NLRP14: variants seen among roughly 807,000 people sequenced by gnomAD.
The protein encoded by NLRP14 is NLR family pyrin domain containing 14.
A neutral mutation model predicts 94.7 loss-of-function variants in NLRP14; 105 were observed. The observed-to-expected ratio is 1.11, with a 90% CI of 0.95 to 1.30. The LOEUF is 1.30. Ranked by LOEUF, NLRP14 falls within the 50% of genes most tolerant of loss-of-function variation. The pLI, the probability that NLRP14 is intolerant of heterozygous loss-of-function variation, is 0.00. For missense variants in NLRP14, 1,362 were observed against 1,254.1 expected (o/e 1.09, Z -1.30); for synonymous variants, 508 against 459.9 (o/e 1.10, Z -1.34).
intron 1 of NLRP14, among the ~76,000 whole-genome samples, chr11:7,024,976 A>C (rs1242738291): frequency 6.6e-6 from 1 of 152,172 alleles, no homozygotes; most frequent in Non-Finnish European, 1.5e-5. Flanking sequence ...TAGACACAAA[A>C]GTTCTAGAAA....
At position 7,043,384 on chromosome 11, in the gene NLRP14, C is replaced by T. The variant is rs374571298; in HGVS notation, c.1358C>T (p.Thr453Ile). 52 of 1,614,026 alleles carry T rather than the reference C, an allele frequency of 3.2e-5. No homozygotes were observed. The African/African-American group carries it at 6.7e-4, about 21-fold the overall frequency. ...YRENLRRLGL[T>I]QSDVSSFMDS... ...GAAAATCTCAGAAGGCTTGGGTTAACTCAATCTGATGTCTCTAGTTTTATG... is the reference window on the plus strand; with the variant it reads ...GAAAATCTCAGAAGGCTTGGGTTAATTCAATCTGATGTCTCTAGTTTTATG... The change falls in exon 4 of 12, where the codon ACT becomes ATT. Residue 453 changes from threonine (T) to isoleucine (I), a missense_variant. By Grantham distance (89) the Thr-to-Ile change is moderately conservative. Coordinates refer to ENST00000299481, the MANE Select transcript of NLRP14 (RefSeq NM_176822.4).
At chr11:7,079,138 G>A in the NLRP14 span, among the ~76,000 whole-genome samples, 2 of 152,302 alleles carry the variant, frequency 1.3e-5, no homozygotes, top group Non-Finnish European at 2.9e-5. Flanking sequence ...ATTTTCTGGG[G>A]GGCCAGAGGA....
At chr11:7,058,602 T>C (rs1226805897) in intron 8 of NLRP14, 152 bp downstream of exon 8, 1 of 665,064 alleles carries the variant, frequency 1.5e-6, no homozygotes, top group Non-Finnish European at 2.7e-6. Context: ...TTGCCATTTA[T>C]TGTGTCCTAA....
At chr11:7,076,831 C>G in the NLRP14 span, among the ~76,000 whole-genome samples, 1 of 152,164 alleles carries the variant, frequency 6.6e-6, no homozygotes, top group African/African-American at 2.4e-5. Flanking sequence ...ACAGTGTCTT[C>G]TTGCACATGT....
At chr11:7,074,119 A>G (rs925795195), downstream of NLRP14, among the ~76,000 whole-genome samples, 1 of 152,198 alleles carries the variant, frequency 6.6e-6, no homozygotes, top group African/African-American at 2.4e-5. Context: ...AAGTTTTAGG[A>G]CCTGTGTGCC....
At chr11:7,047,837 G>A (rs1208507010) in intron 5 of NLRP14, among the ~76,000 whole-genome samples, 7 of 135,574 alleles carry the variant, frequency 5.2e-5, no homozygotes, top group Non-Finnish European at 3.0e-5. Context: ...TCGGCTCACT[G>A]CAACCTCCGC....
At position 7,023,418 on chromosome 11, in the gene NLRP14, TA is replaced by T. The variant is rs998012334; in HGVS notation, c.-22+2653del. The stretch of plus-strand genomic sequence containing the variant: ...TTTTTTATATAAAAACATTTTTATA[TA>T]AAAACATTTGTACTATAAAATTTTT... On this transcript the variant is annotated intron_variant, in intron 1 of 11. Transcript: ENST00000299481. Among the ~76,000 whole-genome samples, 38 of 146,426 alleles carry T rather than the reference TA, an allele frequency of 2.6e-4. No individual in the cohort carries two copies. In the East Asian group the frequency reaches 4.7e-3, roughly 18 times the overall value.
At chr11:7,048,044 G>A (rs1416809535) in intron 5 of NLRP14, among the ~76,000 whole-genome samples, 1 of 151,772 alleles carries the variant, frequency 6.6e-6, no homozygotes, top group South Asian at 2.1e-4. Flanking sequence ...ACAGGCATGA[G>A]CCACCACACC....
downstream of NLRP14, among the ~76,000 whole-genome samples, chr11:7,073,842 C>T (rs1405024396): frequency 6.6e-6 from 1 of 152,148 alleles, no homozygotes; most frequent in African/African-American, 2.4e-5. Context: ...TGTTTAGCAA[C>T]CAGGGAGCTC....
intron 1 of NLRP14, among the ~76,000 whole-genome samples, chr11:7,027,068 C>T (rs1852027349): frequency 6.6e-6 from 1 of 151,998 alleles, no homozygotes; most frequent in African/African-American, 2.4e-5. Flanking sequence ...TAGCTAGAAG[C>T]CTGTTCATGT....
intron 6 of NLRP14, among the ~76,000 whole-genome samples, chr11:7,053,468 A>G (rs1050314277): frequency 1.2e-5 from 1 of 86,618 alleles, no homozygotes; most frequent in Non-Finnish European, 2.5e-5. Context: ...TATGATTTAA[A>G]TTATATATAT....
chr11:7,088,446 T>G, the NLRP14 span, among the ~76,000 whole-genome samples: 2 of 152,156 alleles, frequency 1.3e-5, no homozygotes, highest in Admixed American at 1.3e-4. Context: ...AGAAGAAACA[T>G]TTTTTAAACT....
At position 7,033,285 on chromosome 11, in the gene NLRP14, C is replaced by A. The variant is rs542354841; in HGVS notation, c.-21-5281C>A. Among the ~76,000 whole-genome samples, 8 of 152,324 alleles carry A rather than the reference C, an allele frequency of 5.3e-5. No homozygotes were observed. The East Asian group carries it at 1.5e-3, about 29-fold the overall frequency. On this transcript the variant is annotated intron_variant, in intron 1 of 11. Coordinates refer to ENST00000299481, the MANE Select transcript of NLRP14 (RefSeq NM_176822.4). The stretch of plus-strand genomic sequence containing the variant: ...ATATTTTCTAAGAACTTTAATTGCT[C>A]TGTCATAGTGTATGTATATTTCCAG...
In NLRP14 at chr11:7,043,425, C is replaced by T. The variant is rs774502513; in HGVS notation, c.1399C>T (p.Gln467Ter). Residue 467 changes from glutamine to a stop codon, truncating the protein, a stop_gained, in exon 4 of 12, where the codon CAG becomes TAG. Transcript: ENST00000299481. LOFTEE classifies it high-confidence loss of function. ...TAGTTTTATGGACAGCAATATTATT[C>T]AGAAGGACGCAGAGTATGAAAACTG... ...VSSFMDSNII[Q>*]KDAEYENCYV... is the part of the protein sequence containing the mutation. 1.2e-6 allele frequency: 2 copies of T among 1,614,140 alleles called. No individual in the cohort carries two copies. Among genetic ancestry groups the T allele is most frequent in the South Asian group, 1.1e-5 (1 of 91,070 alleles).
chr11:7,037,389 AC>A lies in NLRP14; in HGVS notation c.-21-1176del, dbSNP rs1353351663. On this transcript the variant is annotated intron_variant, in intron 1 of 11. Coordinates refer to ENST00000299481, the MANE Select transcript of NLRP14 (RefSeq NM_176822.4). ...AAAAGAAAAACTCTCCCTTCTATATACTTTTATTTCCCCCATCCGTCTTTTT... is the reference window on the plus strand; with the variant it reads ...AAAAGAAAAACTCTCCCTTCTATATATTTTATTTCCCCCATCCGTCTTTTT... 9.9e-5 allele frequency among the ~76,000 whole-genome samples: 15 copies of A among 152,208 alleles called. No homozygotes were observed. In the South Asian group the frequency reaches 2.7e-3, roughly 27 times the overall value.
chr11:7,065,527 T>A (rs193140150), intron 10 of NLRP14, among the ~76,000 whole-genome samples: 1 of 152,136 alleles, frequency 6.6e-6, no homozygotes, highest in African/African-American at 2.4e-5. Context: ...TCTGTTCTTA[T>A]ATTCTTTTTT....
At chr11:7,047,721 C>T (rs971144405) in intron 5 of NLRP14, among the ~76,000 whole-genome samples, 5 of 151,328 alleles carry the variant, frequency 3.3e-5, no homozygotes, top group South Asian at 2.1e-4. Context: ...TTGATTTATA[C>T]AGTATGTATT....
chr11:7,038,628 G>T lies in NLRP14; in HGVS notation c.42G>T (p.Gly14=). 6.2e-7 allele frequency: 1 copy of T among 1,613,996 alleles called. No individual in the cohort carries two copies. Among genetic ancestry groups the T allele is most frequent in the Non-Finnish European group, 8.5e-7 (1 of 1,179,974 alleles). Residue 14 remains glycine, a synonymous_variant, in exon 2 of 12, where the codon GGG becomes GGT. Transcript: ENST00000299481. ...SSSSSFFPDF[G]LLLYLEELNK... is the part of the protein sequence containing the mutation. ...CATCTTCTTTCTTTCCTGATTTTGG[G>T]CTGCTATTGTATTTGGAGGAGCTAA...
chr11:7,039,639 G>T, intron 2 of NLRP14, 75 bp from the exon 3 acceptor site: 1 of 1,161,920 alleles, frequency 8.6e-7, no homozygotes, highest in Non-Finnish European at 1.3e-6. Flanking sequence ...TGTGAATGCT[G>T]GCCTCTGTTC....
Sources: gnomAD v4.1 joint callset for allele counts (sites outside exome capture counted in the v4.1 genomes callset) on GRCh38, gnomAD v4.1.1 for gene constraint, MANE v1.5 for transcripts, NCBI Gene and HGNC (gene_info 2026-07-23, HGNC 2026-07-21) for gene names.